The following TWSG1 variants were observed in gnomAD, a reference collection of about 807,000 sequenced individuals.
TWSG1 encodes twisted gastrulation protein homolog 1.
TWSG1 carries 15 observed loss-of-function variants against 23.0 expected under a neutral mutation model. The ratio of observed to expected loss-of-function variants is 0.65; its 90% CI spans 0.44 to 1.00. TWSG1 has a LOEUF of 1.00. Ranked by LOEUF, TWSG1 falls within the 50% of genes least tolerant of loss-of-function variation. The pLI is 0.00. For missense variants in TWSG1, 242 were observed against 278.7 expected, an observed-to-expected ratio of 0.87 and a Z score of 0.94; for synonymous variants, 86 against 92.8, an observed-to-expected ratio of 0.93 and a Z score of 0.42.
intron 2 of TWSG1, among the ~76,000 whole-genome samples, chr18:9,339,052 A>T (rs772372089): frequency 6.6e-6 from 1 of 152,002 alleles, no homozygotes; most frequent in Non-Finnish European, 1.5e-5. Flanking sequence ...TAGTTTTTTT[A>T]AAATTAGCTG....
intron 3 of TWSG1, among the ~76,000 whole-genome samples, chr18:9,386,101 G>A (rs905747434): frequency 9.2e-5 from 14 of 151,668 alleles, no homozygotes; most frequent in South Asian, 6.2e-4. Flanking sequence ...CCCGGGAGGC[G>A]GAGGTTGCAG....
intron 2 of TWSG1, among the ~76,000 whole-genome samples, chr18:9,343,258 A>ATCTATC (rs1349494825): frequency 1.5e-5 from 2 of 134,922 alleles, no homozygotes; most frequent in Admixed American, 7.5e-5. Context: ...ATATATATAT[A>ATCTATC]TATCTTGTCC....
At chr18:9,340,331 G>A (rs1354469031) in intron 2 of TWSG1, among the ~76,000 whole-genome samples, 2 of 128,760 alleles carry the variant, frequency 1.6e-5, no homozygotes, top group African/African-American at 6.0e-5. Context: ...TCATGCCACT[G>A]CACTCCAGCC....
intron 3 of TWSG1, among the ~76,000 whole-genome samples, chr18:9,371,145 A>G (rs2040603153): frequency 6.6e-6 from 1 of 152,132 alleles, no homozygotes; most frequent in Non-Finnish European, 1.5e-5. Flanking sequence ...AATTGCTTAT[A>G]AAAGTCCCTT....
At chr18:9,359,401 C>T (rs1190756380) in intron 2 of TWSG1, among the ~76,000 whole-genome samples, 1 of 152,180 alleles carries the variant, frequency 6.6e-6, no homozygotes. Context: ...CACCTAAATT[C>T]AAGAGGTCTA....
rs553544193 is a variant in TWSG1 at position 9,396,932 on chromosome 18, G to A, written c.490+386G>A. The A allele has an allele frequency of 1.5e-3, 331 of 217,250 alleles. 2 individuals are homozygous for A. The highest frequency in any genetic ancestry group is 1.9e-3 in the Non-Finnish European group (207 of 111,140). The allele number at this position is 217,250 out of a possible 1,614,324, so 13.5% of individuals were successfully genotyped here. A position where few individuals can be genotyped will look rare whatever the true frequency, so the allele number is the denominator to read the frequency against. ...AAATTAGCCGGGTGTGGTGGCGGGC[G>A]CCTGTAGTCCAGCTACGAGGGAGGC... On this transcript the variant is annotated intron_variant, in intron 4 of 4. Transcript: ENST00000262120.
chr18:9,387,492 C>T (rs1263284945), intron 3 of TWSG1, among the ~76,000 whole-genome samples: 1 of 151,842 alleles, frequency 6.6e-6, no homozygotes, highest in African/African-American at 2.4e-5. Flanking sequence ...GCAGGCCGGG[C>T]GCGATGGCTC....
intron 3 of TWSG1, among the ~76,000 whole-genome samples, chr18:9,386,792 T>G (rs567712596): frequency 4.6e-5 from 7 of 152,182 alleles, no homozygotes; most frequent in African/African-American, 1.7e-4. Flanking sequence ...GAAAGAATAA[T>G]AGAGTTTGTA....
intron 3 of TWSG1, among the ~76,000 whole-genome samples, chr18:9,362,726 T>G (rs1231434261): frequency 6.6e-6 from 1 of 152,212 alleles, no homozygotes; most frequent in Admixed American, 6.5e-5. Flanking sequence ...TTCTGCATTT[T>G]TTTCCACTGA....
chr18:9,395,478 T>C (rs1174144684), intron 3 of TWSG1, among the ~76,000 whole-genome samples: 1 of 152,214 alleles, frequency 6.6e-6, no homozygotes, highest in Non-Finnish European at 1.5e-5. Context: ...CTTCTACATT[T>C]ATCAGTTGGT....
chr18:9,399,499 C>T lies in TWSG1; in HGVS notation c.644C>T (p.Thr215Ile), dbSNP rs1373107632. 1.9e-6 allele frequency: 3 copies of T among 1,608,288 alleles called. No individual in the cohort carries two copies. The East Asian group carries it at 6.7e-5, about 36-fold the overall frequency. The part of the protein sequence containing the change: ...GPECIDYGSK[T>I]VKCMNCMF ...GAATGTATTGACTATGGTAGTAAAACTGTCAAATGTATGAACTGCATGTTT... is the reference window on the plus strand; with the variant it reads ...GAATGTATTGACTATGGTAGTAAAATTGTCAAATGTATGAACTGCATGTTT... Residue 215 changes from threonine (T) to isoleucine (I), a missense_variant, in exon 5 of 5, where the codon ACT (threonine) becomes ATT (isoleucine). Thr to Ile is a moderately conservative substitution (Grantham distance 89). Transcript: ENST00000262120.
At chr18:9,359,521 A>G (rs77793011) in intron 2 of TWSG1, among the ~76,000 whole-genome samples, 2,038 of 152,274 alleles carry the variant, frequency 0.013, 49 homozygotes, top group African/African-American at 0.047. Flanking sequence ...CTACCATACC[A>G]AGCACACTTT....
chr18:9,352,061 C>T (rs2040504659), intron 2 of TWSG1, among the ~76,000 whole-genome samples: 1 of 152,140 alleles, frequency 6.6e-6, no homozygotes, highest in Admixed American at 6.5e-5. Context: ...TTCCCTTGTG[C>T]CCCCTTTGTA....
rs1289111851 is a variant in TWSG1 at position 9,400,397 on chromosome 18, G to A, written c.*870G>A. ...ACTCCACCTAGAGCACCAGGAAACA[G>A]CTTGTACCCTGGTAGGGAAATGGTG... On this transcript the variant is annotated 3_prime_UTR_variant, in exon 5 of 5. Transcript: ENST00000262120. 1 of 152,228 alleles carries A rather than the reference G, an allele frequency of 6.6e-6. No individual in the cohort carries two copies. The highest frequency in any genetic ancestry group is 1.9e-4 in the East Asian group (1 of 5,194). 9.4% of individuals were successfully genotyped at this position (152,228 alleles called of 1,614,324 possible).
At chr18:9,343,854 C>T (rs2040459877) in intron 2 of TWSG1, among the ~76,000 whole-genome samples, 1 of 152,158 alleles carries the variant, frequency 6.6e-6, no homozygotes, top group South Asian at 2.1e-4. Flanking sequence ...GTAGATAATA[C>T]TGCTATGAAT....
chr18:9,381,525 T>G (rs147869675), intron 3 of TWSG1, among the ~76,000 whole-genome samples: 1,608 of 152,284 alleles, frequency 0.011, 30 homozygotes, highest in African/African-American at 0.037. Flanking sequence ...GGTAGATTAC[T>G]TAAGGTTCAA....
At chr18:9,385,217 A>C (rs2040676519) in intron 3 of TWSG1, among the ~76,000 whole-genome samples, 1 of 152,226 alleles carries the variant, frequency 6.6e-6, no homozygotes, top group African/African-American at 2.4e-5. Flanking sequence ...TTCTCTAGGA[A>C]AAAGAAATTG....
At chr18:9,384,038 C>T (rs6506661) in intron 3 of TWSG1, among the ~76,000 whole-genome samples, 3 of 152,072 alleles carry the variant, frequency 2.0e-5, no homozygotes, top group Admixed American at 2.0e-4. Context: ...TTTAAAATCC[C>T]TTAAACAATT....
chr18:9,345,207 T>C (rs1256442068), intron 2 of TWSG1, among the ~76,000 whole-genome samples: 3 of 152,262 alleles, frequency 2.0e-5, no homozygotes, highest in African/African-American at 7.2e-5. Context: ...AACTACTATG[T>C]ATCATTTGTA....
Sources: gnomAD v4.1 joint callset for allele counts (sites outside exome capture counted in the v4.1 genomes callset) on GRCh38, gnomAD v4.1.1 for gene constraint, MANE v1.5 for transcripts, NCBI Gene and HGNC (gene_info 2026-07-23, HGNC 2026-07-21) for gene names.